JMJD1C: variants seen among roughly 807,000 people sequenced by gnomAD.
JMJD1C encodes the protein jumonji domain containing 1C, also known as jumonji domain-containing protein 1C.
In JMJD1C, 31 loss-of-function variants were observed where a neutral mutation model predicts 245.3. The ratio of observed to expected loss-of-function variants is 0.13; its 90% CI spans 0.09 to 0.17. The LOEUF (loss-of-function observed/expected upper bound fraction) is 0.17. Among genes scored for constraint, JMJD1C ranks in the 10% least tolerant of loss-of-function variants. The pLI is 1.00. For synonymous variants in JMJD1C, 1,057 were observed against 1,017.4 expected (o/e 1.04, Z -0.74); for missense variants, 2,691 against 3,000.2 (o/e 0.90, Z 2.41).
intron 3 of JMJD1C, among the ~76,000 whole-genome samples, chr10:63,236,865 G>C (rs1216341531): frequency 1.3e-5 from 2 of 152,046 alleles, no homozygotes; most frequent in East Asian, 3.9e-4. Flanking sequence ...TGTAATACCA[G>C]CACTTTGAGA....
intron 22 of JMJD1C, among the ~76,000 whole-genome samples, chr10:63,182,343 G>A (rs1455293570): frequency 6.6e-6 from 1 of 152,226 alleles, no homozygotes; most frequent in Non-Finnish European, 1.5e-5. Context: ...ATTCATTATA[G>A]ACAGGGGTGA....
chr10:63,473,158 T>C (rs969079204), intron 1 of JMJD1C, among the ~76,000 whole-genome samples: 2 of 152,164 alleles, frequency 1.3e-5, no homozygotes, highest in African/African-American at 2.4e-5. Flanking sequence ...ATACTTTCTA[T>C]AAAACTAATA....
chr10:63,319,510 C>T (rs893773870), intron 2 of JMJD1C, among the ~76,000 whole-genome samples: 2 of 151,892 alleles, frequency 1.3e-5, no homozygotes, highest in Admixed American at 1.3e-4. Context: ...TCTCTTTTCT[C>T]TCTCACTTTA....
chr10:63,284,948 TACAC>T (rs1161605203), intron 2 of JMJD1C, among the ~76,000 whole-genome samples: 8 of 147,632 alleles, frequency 5.4e-5, no homozygotes, highest in South Asian at 4.4e-4. Context: ...ACGCCACACA[TACAC>T]ACACAATTTA....
At chr10:63,449,882 G>A (rs745785533) in intron 1 of JMJD1C, among the ~76,000 whole-genome samples, 4 of 152,080 alleles carry the variant, frequency 2.6e-5, no homozygotes, top group Non-Finnish European at 5.9e-5. Flanking sequence ...TTGGGAGGCC[G>A]AGGTGGGAAG....
intron 2 of JMJD1C, among the ~76,000 whole-genome samples, chr10:63,304,795 T>C (rs1937778479): frequency 6.6e-6 from 1 of 152,196 alleles, no homozygotes; most frequent in African/African-American, 2.4e-5. Context: ...TGTATATGTA[T>C]GTGTGTATTT....
chr10:63,335,317 G>A (rs1183797548), intron 2 of JMJD1C, among the ~76,000 whole-genome samples: 1 of 152,108 alleles, frequency 6.6e-6, no homozygotes, highest in East Asian at 1.9e-4. Context: ...TGATAATGTA[G>A]GCATGGGGGC....
chr10:63,315,444 C>T (rs1037757372), intron 2 of JMJD1C, among the ~76,000 whole-genome samples: 4 of 152,106 alleles, frequency 2.6e-5, no homozygotes, highest in African/African-American at 4.8e-5. Flanking sequence ...GCCATAAGAA[C>T]CTTAACATTT....
At chr10:63,191,589 A>G (rs1844806129) in intron 16 of JMJD1C, among the ~76,000 whole-genome samples, 1 of 152,212 alleles carries the variant, frequency 6.6e-6, no homozygotes, top group African/African-American at 2.4e-5. Flanking sequence ...AGCTTGGCCA[A>G]ATGGATTCAA....
intron 2 of JMJD1C, among the ~76,000 whole-genome samples, chr10:63,331,406 C>T (rs998235288): frequency 1.3e-4 from 20 of 152,294 alleles, no homozygotes; most frequent in Non-Finnish European, 2.4e-4. Context: ...ATTAGAATTA[C>T]ATTTCCAATA....
chr10:63,509,413 G>A (rs1452525218), intron 1 of JMJD1C, among the ~76,000 whole-genome samples: 1 of 152,140 alleles, frequency 6.6e-6, no homozygotes, highest in Non-Finnish European at 1.5e-5. Flanking sequence ...TTTGAATTAG[G>A]ATAATGGCAG....
intron 1 of JMJD1C, among the ~76,000 whole-genome samples, chr10:63,459,011 C>A (rs1952605304): frequency 6.6e-6 from 1 of 152,082 alleles, no homozygotes; most frequent in South Asian, 2.1e-4. Flanking sequence ...TGTGAGCCAC[C>A]GCGCTTGGCC....
chr10:63,452,946 G>A (rs1240873923), intron 1 of JMJD1C, among the ~76,000 whole-genome samples: 1 of 152,120 alleles, frequency 6.6e-6, no homozygotes, highest in Non-Finnish European at 1.5e-5. Flanking sequence ...TCAAAATATT[G>A]TTAATATACT....
chr10:63,335,041 A>T (rs901258161), intron 2 of JMJD1C, among the ~76,000 whole-genome samples: 1 of 150,490 alleles, frequency 6.6e-6, no homozygotes, highest in East Asian at 1.9e-4. Context: ...TAAAAAAAAA[A>T]AAAAATATTG....
intron 21 of JMJD1C, among the ~76,000 whole-genome samples, chr10:63,184,301 T>A (rs1477542891): frequency 6.8e-6 from 1 of 147,686 alleles, no homozygotes; most frequent in Non-Finnish European, 1.5e-5. Flanking sequence ...AGTGCAGTAG[T>A]GCAATCTCAG....
At chr10:63,391,219 T>A (rs937225212) in intron 1 of JMJD1C, among the ~76,000 whole-genome samples, 5 of 151,890 alleles carry the variant, frequency 3.3e-5, no homozygotes, top group Admixed American at 2.6e-4. Context: ...GAGAAACATA[T>A]CAAGAAGGTG....
At chr10:63,246,075 A>G (rs568757990) in intron 3 of JMJD1C, among the ~76,000 whole-genome samples, 1 of 152,354 alleles carries the variant, frequency 6.6e-6, no homozygotes, top group South Asian at 2.1e-4. Context: ...AACCTAAAAG[A>G]CATATACAAA....
At chr10:63,406,745 C>A (rs1949195088) in intron 1 of JMJD1C, among the ~76,000 whole-genome samples, 1 of 151,934 alleles carries the variant, frequency 6.6e-6, no homozygotes, top group Non-Finnish European at 1.5e-5. Context: ...CTGGAATAAA[C>A]AACCATAACT....
At chr10:63,295,762 C>T (rs1389995896) in intron 2 of JMJD1C, among the ~76,000 whole-genome samples, 10 of 151,832 alleles carry the variant, frequency 6.6e-5, no homozygotes. Flanking sequence ...TTAGTAAATA[C>T]TGAGCTACTG....
Sources: allele counts gnomAD v4.1 joint callset (sites outside exome capture counted in the v4.1 genomes callset), GRCh38; gene constraint gnomAD v4.1.1; transcripts MANE v1.5; gene names NCBI Gene and HGNC (gene_info 2026-07-23, HGNC 2026-07-21).